Variants in SERPINA10 observed in about 807,000 individuals in gnomAD.
SERPINA10 encodes protein Z-dependent protease inhibitor.
In SERPINA10, 24 loss-of-function variants were observed where a neutral mutation model predicts 28.0. That is an observed-to-expected ratio of 0.86 (90% CI 0.62 to 1.20). The LOEUF (loss-of-function observed/expected upper bound fraction) is 1.20. Among genes scored for constraint, SERPINA10 ranks in the 50% most tolerant of loss-of-function variants. The pLI is 0.00. For missense variants in SERPINA10, 521 were observed against 537.7 expected, an observed-to-expected ratio of 0.97 and a Z score of 0.31; for synonymous variants, 207 against 203.9, an observed-to-expected ratio of 1.02 and a Z score of -0.13.
At chr14:94,293,045 T>A (rs1895219758) in intron 1 of SERPINA10, 144 bp downstream of exon 1, 1 of 248,444 alleles carries the variant, frequency 4.0e-6, no homozygotes, top group Non-Finnish European at 8.3e-6. Context: ...GTATGTACAG[T>A]CCCTGTGGAG....
At chr14:94,292,604 C>T in intron 1 of SERPINA10, 1 of 701,776 alleles carries the variant, frequency 1.4e-6, no homozygotes. Context: ...AATGCTGAGT[C>T]TTACCTTCCT....
chr14:94,285,185 A>G (rs923762282), intron 4 of SERPINA10, among the ~76,000 whole-genome samples: 2 of 152,260 alleles, frequency 1.3e-5, no homozygotes, highest in African/African-American at 4.8e-5. Flanking sequence ...CCATTTGGAA[A>G]TGTGTGGGAG....
chr14:94,288,549 C>T lies in SERPINA10; in HGVS notation c.729G>A (p.Leu243=), dbSNP rs1419098859. Residue 243 remains leucine (L), a synonymous_variant, in exon 3 of 5, where the codon TTG becomes TTA. Coordinates refer to ENST00000261994, the MANE Select transcript of SERPINA10 (RefSeq NM_001100607.3). ...CGGTGAAGACAGGGTCAAATGGGGTCAACCATTTCCCTGAACAAGTAAGAG... is the reference window on the plus strand; with the variant it reads ...CGGTGAAGACAGGGTCAAATGGGGTTAACCATTTCCCTGAACAAGTAAGAG... ...VDYILFKGKW[L]TPFDPVFTEV... 6.2e-7 allele frequency: 1 copy of T among 1,614,152 alleles called. No individual in the cohort carries two copies. Among genetic ancestry groups the T allele is most frequent in the Non-Finnish European group, 8.5e-7 (1 of 1,180,016 alleles).
rs1392030584 is a variant in SERPINA10, at chr14:94,281,580, CG to C, written c.*2384del. On this transcript the variant is annotated 3_prime_UTR_variant, in exon 5 of 5. Transcript: ENST00000261994. ...GTAAGTTACATTTTTTATTGGTCTG[CG>C]TTTTTCTGTCATGCCTGTGTACTTG... 1 of 152,134 alleles carries C rather than the reference CG, an allele frequency of 6.6e-6. No individual in the cohort carries two copies. Among genetic ancestry groups the C allele is most frequent in the Non-Finnish European group, 1.5e-5 (1 of 68,022 alleles). 9.4% of individuals were successfully genotyped at this position (152,134 alleles called of 1,614,324 possible).
rs917794027 is a variant in SERPINA10 at position 94,291,219 on chromosome 14, T to TCTTC, written c.-50-580_-50-577dup. Among the ~76,000 whole-genome samples the TCTTC allele has an allele frequency of 1.6e-4, 25 of 151,704 alleles. No individual in the cohort carries two copies. The East Asian group carries it at 2.1e-3, about 13-fold the overall frequency. ...CCTCTGCTACACAGTTCCTTGGAGG[T>TCTTC]CTTCCTTCCTTCCTTCCTTCCTATA... On this transcript the variant is annotated intron_variant, in intron 1 of 4. Transcript: ENST00000261994.
Position 94,286,097 on chromosome 14 carries a change from T to C in SERPINA10, c.1143+11A>G. On this transcript the variant is annotated intron_variant, in intron 4 of 4. Coordinates refer to ENST00000261994, the MANE Select transcript of SERPINA10 (RefSeq NM_001100607.3). ...GCTGAGGTTGGGCTCTGATGAAAGA[T>C]CCTGACTTACCCTGGATACTTGGAG... 6.2e-7 allele frequency: 1 copy of C among 1,614,172 alleles called. No homozygotes were observed. The highest frequency in any genetic ancestry group is 8.5e-7 in the Non-Finnish European group (1 of 1,180,000).
In SERPINA10 at chr14:94,284,063, C is replaced by T; in HGVS notation, c.1237G>A (p.Val413Ile). Residue 413 changes from valine (V) to isoleucine (I), a missense_variant, in exon 5 of 5, where the codon GTC becomes ATC. By Grantham distance (29) the Val-to-Ile change is conservative. Coordinates refer to ENST00000261994, the MANE Select transcript of SERPINA10 (RefSeq NM_001100607.3). ...TGAAATGGCCGGTCCACTTTGATGACAGGAGGCATGGAATAAGCAGTAATT... is the reference window on the plus strand; with the variant it reads ...TGAAATGGCCGGTCCACTTTGATGATAGGAGGCATGGAATAAGCAGTAATT... The part of the protein sequence containing the change: ...SEITAYSMPP[V>I]IKVDRPFHFM... The T allele has an allele frequency of 1.2e-6, 2 of 1,614,212 alleles. No individual in the cohort carries two copies. Among genetic ancestry groups the T allele is most frequent in the Non-Finnish European group, 1.7e-6 (2 of 1,180,024 alleles).
At chr14:94,284,239 G>A (rs949538640) in intron 4 of SERPINA10, 83 bp from the exon 5 acceptor site, 96 of 1,232,860 alleles carry the variant, frequency 7.8e-5, no homozygotes, top group Non-Finnish European at 1.1e-4. Flanking sequence ...ATTCTTCACA[G>A]TGGTCCTACC....
At chr14:94,291,920 C>T (rs147661979) in intron 1 of SERPINA10, among the ~76,000 whole-genome samples, 15 of 152,328 alleles carry the variant, frequency 9.8e-5, no homozygotes, top group South Asian at 6.2e-4. Flanking sequence ...GCAGTCTGAA[C>T]GGCACTACCC....
chr14:94,285,484 C>CAT lies in SERPINA10; in HGVS notation c.1143+622_1143+623dup, dbSNP rs749960575. 2.2e-3 allele frequency among the ~76,000 whole-genome samples: 323 copies of CAT among 148,240 alleles called. 1 individual carries two copies. Among genetic ancestry groups the CAT allele is most frequent in the African/African-American group, 5.9e-3 (240 of 40,604 alleles). ...CCATATATATATGTATGTCTCTCTC[C>CAT]ATATATATATATATGTGTGTGTATA... On this transcript the variant is annotated intron_variant, in intron 4 of 4. Transcript: ENST00000261994.
chr14:94,286,005 C>A, intron 4 of SERPINA10, 103 bp downstream of exon 4: 1 of 1,394,586 alleles, frequency 7.2e-7, no homozygotes, highest in South Asian at 1.2e-5. Flanking sequence ...TCTAATTTTC[C>A]ACTACAATTA....
chr14:94,292,392 CTG>C (rs990996072), intron 1 of SERPINA10, among the ~76,000 whole-genome samples: 7 of 152,150 alleles, frequency 4.6e-5, no homozygotes, highest in African/African-American at 1.4e-4. Context: ...GCCTCCAAAA[CTG>C]TGAAAAATCA....
rs117421112 is a variant in SERPINA10 at position 94,290,159 on chromosome 14, A to C, written c.435T>G (p.Phe145Leu). The change falls in exon 2 of 5, where the codon TTT (phenylalanine) becomes TTG (leucine). Residue 145 changes from phenylalanine (F) to leucine (L), a missense_variant. Phe to Leu is a conservative substitution (Grantham distance 22). Coordinates refer to ENST00000261994, the MANE Select transcript of SERPINA10 (RefSeq NM_001100607.3). Reference protein sequence around the residue: ...PTKPGLLPSLFKGLRETLSRN... With the variant: ...PTKPGLLPSLLKGLRETLSRN... ...GGGAGAGGGTCTCTCTGAGTCCCTT[A>C]AAGAGGGAAGGCAGGAGCCCGGGCT... 1,401 of 1,614,058 alleles carry C rather than the reference A, an allele frequency of 8.7e-4. 2 individuals carry two copies. The highest frequency in any genetic ancestry group is 1.0e-3 in the Non-Finnish European group (1,227 of 1,179,978).
At chr14:94,291,509 C>T (rs959282846) in intron 1 of SERPINA10, among the ~76,000 whole-genome samples, 3 of 152,246 alleles carry the variant, frequency 2.0e-5, no homozygotes, top group Admixed American at 6.5e-5. Flanking sequence ...TGGGACTGGC[C>T]TGGGCCACCT....
Position 94,288,504 on chromosome 14 carries a change from C to G in SERPINA10, c.774G>C (p.Leu258=). The G allele has an allele frequency of 6.2e-7, 1 of 1,614,158 alleles. No homozygotes were observed. ...GCACCTTAATGGTCTTGTACTTGTC[C>G]AGGTGGAAAGTGTCGACTTCGGTGA... ...PVFTEVDTFH[L]DKYKTIKVPM... is the part of the protein sequence containing the mutation. Residue 258 remains leucine (L), a synonymous_variant, in exon 3 of 5, where the codon CTG becomes CTC. Coordinates refer to ENST00000261994, the MANE Select transcript of SERPINA10 (RefSeq NM_001100607.3).
Position 94,284,081 on chromosome 14 carries a change from C to T in SERPINA10, c.1219G>A (p.Ala407Thr), listed in dbSNP as rs1344774322. 6.2e-7 allele frequency: 1 copy of T among 1,614,138 alleles called. No individual in the cohort carries two copies. The highest frequency in any genetic ancestry group is 1.7e-5 in the Admixed American group (1 of 60,022). ...AVAGILSEIT[A>T]YSMPPVIKVD... is the part of the protein sequence containing the mutation. ...TTGATGACAGGAGGCATGGAATAAGCAGTAATTTCTGACAAGATTCCTGCC... is the reference window on the plus strand; with the variant it reads ...TTGATGACAGGAGGCATGGAATAAGTAGTAATTTCTGACAAGATTCCTGCC... Residue 407 changes from alanine to threonine, a missense_variant, in exon 5 of 5, where the codon GCT (alanine) becomes ACT (threonine). Ala to Thr is a moderately conservative substitution (Grantham distance 58). Coordinates refer to ENST00000261994, the MANE Select transcript of SERPINA10 (RefSeq NM_001100607.3).
In SERPINA10 at chr14:94,290,182, G is replaced by T. The variant is rs781628042; in HGVS notation, c.412C>A (p.Pro138Thr). The part of the protein sequence containing the change: ...LHLQALKPTK[P>T]GLLPSLFKGL... ...TTAAAGAGGGAAGGCAGGAGCCCGG[G>T]CTTGGTGGGCTTCAGGGCCTGCAAG... is the stretch of plus-strand genomic sequence containing the variant. The change falls in exon 2 of 5, where the codon CCC becomes ACC. Residue 138 changes from proline (P) to threonine (T), a missense_variant. Transcript: ENST00000261994. The T allele has an allele frequency of 6.2e-7, 1 of 1,613,868 alleles. No individual in the cohort carries two copies. The highest frequency in any genetic ancestry group is 8.5e-7 in the Non-Finnish European group (1 of 1,179,884).
In SERPINA10 at chr14:94,291,844, G is replaced by T. The variant is rs181369663; in HGVS notation, c.-50-1201C>A. ...TGCCTGGGACAAAACCGCCTCCAGC[G>T]CCAGGGCCCAGCATGTTGCCCCTTG... On this transcript the variant is annotated intron_variant, in intron 1 of 4. Transcript: ENST00000261994. 2.2e-4 allele frequency among the ~76,000 whole-genome samples: 34 copies of T among 152,356 alleles called. 1 individual carries two copies. The highest frequency in any genetic ancestry group is 7.7e-4 in the African/African-American group (32 of 41,592).
chr14:94,290,039 A>G lies in SERPINA10; in HGVS notation c.555T>C (p.Tyr185=). 1 of 1,614,246 alleles carries G rather than the reference A, an allele frequency of 6.2e-7. No homozygotes were observed. The highest frequency in any genetic ancestry group is 8.5e-7 in the Non-Finnish European group (1 of 1,180,038). ...KETFFNLSKR[Y]FDTECVPMNF... is the part of the protein sequence containing the mutation. ...TCATAGGCACGCACTCTGTATCAAA[A>G]TACCTCTTGGATAAATTGAAGAAAG... The change falls in exon 2 of 5, where the codon TAT becomes TAC. Residue 185 remains tyrosine (Y), a synonymous_variant. Transcript: ENST00000261994.
Sources: gnomAD v4.1 joint callset for allele counts (sites outside exome capture counted in the v4.1 genomes callset) on GRCh38, gnomAD v4.1.1 for gene constraint, MANE v1.5 for transcripts, NCBI Gene and HGNC (gene_info 2026-07-23, HGNC 2026-07-21) for gene names.